Variants in TM2D1 observed in about 807,000 individuals in gnomAD.
TM2D1 encodes TM2 domain containing 1, also known as TM2 domain-containing protein 1.
In TM2D1, 15 loss-of-function variants were observed where a neutral mutation model predicts 28.4. The observed-to-expected ratio is 0.53, with a 90% CI of 0.35 to 0.81. The LOEUF is 0.81. Ranked by LOEUF, TM2D1 falls within the 40% of genes least tolerant of loss-of-function variation. TM2D1 has a pLI of 0.01. For missense variants in TM2D1, 236 were observed against 254.9 expected (o/e 0.93, Z 0.50); for synonymous variants, 93 against 96.2 (o/e 0.97, Z 0.20).
chr1:61,719,825 C>A (rs1191313562), intron 2 of TM2D1, among the ~76,000 whole-genome samples: 1 of 152,110 alleles, frequency 6.6e-6, no homozygotes, highest in African/African-American at 2.4e-5. Flanking sequence ...TACTCTTATT[C>A]TTCTAACTTT....
At chr1:61,691,933 A>AAAAATATATATATATATATATG (rs1491136530) in intron 5 of TM2D1, among the ~76,000 whole-genome samples, 29 of 83,038 alleles carry the variant, frequency 3.5e-4, no homozygotes, top group African/African-American at 9.9e-4. Context: ...AAAAAAAAAA[A>AAAAATATATATATATATATATG]TATATATATA....
intron 5 of TM2D1, among the ~76,000 whole-genome samples, chr1:61,687,734 C>T (rs1013367626): frequency 6.6e-6 from 1 of 152,064 alleles, no homozygotes; most frequent in Non-Finnish European, 1.5e-5. Flanking sequence ...TTATATCAAT[C>T]TATGCTTTCT....
chr1:61,719,222 T>C (rs928169719), intron 2 of TM2D1, among the ~76,000 whole-genome samples: 3 of 152,016 alleles, frequency 2.0e-5, no homozygotes, highest in South Asian at 2.1e-4. Context: ...CATGCCTGGC[T>C]AGTTTTTTGT....
At chr1:61,699,464 C>T (rs2172957) in intron 4 of TM2D1, 50,943 of 152,106 alleles carry the variant, frequency 0.33, 10,295 homozygotes, top group East Asian at 0.48. Flanking sequence ...ATTTTATAAT[C>T]GGACCATAGA....
intron 5 of TM2D1, among the ~76,000 whole-genome samples, chr1:61,686,071 A>G (rs1179310552): frequency 6.6e-6 from 1 of 152,198 alleles, no homozygotes; most frequent in Non-Finnish European, 1.5e-5. Context: ...CTTGGAAGAG[A>G]AAGCTGTCTC....
intron 2 of TM2D1, among the ~76,000 whole-genome samples, chr1:61,713,336 G>A (rs1644492317): frequency 6.6e-6 from 1 of 151,862 alleles, no homozygotes; most frequent in Admixed American, 6.6e-5. Flanking sequence ...AAATTAGCCA[G>A]GCGTGGTGAC....
intron 1 of TM2D1, 94 bp downstream of exon 1, chr1:61,724,863 T>C: frequency 3.1e-6 from 4 of 1,305,708 alleles, no homozygotes; most frequent in Non-Finnish European, 4.1e-6. Context: ...TCGTTTTCAC[T>C]CAGTACAGCC....
In TM2D1 at chr1:61,710,445, A is replaced by C. The variant is rs1197199486; in HGVS notation, c.239-1008T>G. 3.2e-5 allele frequency among the ~76,000 whole-genome samples: 4 copies of C among 125,416 alleles called. No homozygotes were observed. The Admixed American group carries it at 3.7e-4, about 12-fold the overall frequency. The allele number at this position is 125,416 out of a possible 152,430, so 82.3% of individuals were successfully genotyped here. A position where few individuals can be genotyped will look rare whatever the true frequency, so the allele number is the denominator to read the frequency against. ...TGTCCCAAAAAAAAAAAAAAAAAAA[A>C]ATGTATATATATATATACATATATA... is the stretch of plus-strand genomic sequence containing the variant. On this transcript the variant is annotated intron_variant, in intron 2 of 6. Coordinates refer to ENST00000606498, the MANE Select transcript of TM2D1 (RefSeq NM_032027.3).
chr1:61,704,242 C>A lies in TM2D1; in HGVS notation c.348-3217G>T, dbSNP rs576315120. ...AATAGAATATAAAACGTATCACCAACTTTTTATATGGCACATATATATATA... is the reference window on the plus strand; with the variant it reads ...AATAGAATATAAAACGTATCACCAAATTTTTATATGGCACATATATATATA... On this transcript the variant is annotated intron_variant, in intron 3 of 6. Coordinates refer to ENST00000606498, the MANE Select transcript of TM2D1 (RefSeq NM_032027.3). Among the ~76,000 whole-genome samples the A allele has an allele frequency of 4.2e-4, 64 of 151,916 alleles. 1 individual carries two copies. In the South Asian group the frequency reaches 0.013, roughly 32 times the overall value.
At chr1:61,715,079 C>T (rs528306062) in intron 2 of TM2D1, among the ~76,000 whole-genome samples, 1 of 152,224 alleles carries the variant, frequency 6.6e-6, no homozygotes, top group East Asian at 1.9e-4. Flanking sequence ...TTTTGACATA[C>T]ATTTGAGCTA....
intron 4 of TM2D1, 50 bp from the exon 5 acceptor site, chr1:61,694,820 TAACA>T: frequency 8.6e-7 from 1 of 1,167,498 alleles, no homozygotes; most frequent in East Asian, 2.5e-5. Flanking sequence ...TTCTAAATAT[TAACA>T]AACTGCTCCA....
At chr1:61,723,979 G>A (rs1020868160) in intron 1 of TM2D1, among the ~76,000 whole-genome samples, 193 bp from the exon 2 acceptor site, 6 of 152,140 alleles carry the variant, frequency 3.9e-5, no homozygotes, top group Admixed American at 3.9e-4. Context: ...AGGATCACTG[G>A]AGCCCAGGAG....
chr1:61,716,334 C>A (rs1250820635), intron 2 of TM2D1, among the ~76,000 whole-genome samples: 1 of 147,134 alleles, frequency 6.8e-6, no homozygotes, highest in Non-Finnish European at 1.5e-5. Context: ...CCGCCAACCC[C>A]CCAACAAATA....
intron 2 of TM2D1, among the ~76,000 whole-genome samples, chr1:61,722,928 TAAAA>T (rs1264867028): frequency 1.3e-5 from 2 of 152,048 alleles, no homozygotes; most frequent in Admixed American, 6.6e-5. Context: ...AAAATAAAAA[TAAAA>T]AAAGTATTTT....
Position 61,688,249 on chromosome 1 carries a change from T to TA in TM2D1, c.514-4704dup, listed in dbSNP as rs796784939. Among the ~76,000 whole-genome samples the TA allele has an allele frequency of 6.0e-3, 912 of 151,556 alleles. 11 individuals carry two copies. The highest frequency in any genetic ancestry group is 0.02 in the African/African-American group (818 of 41,360). ...GTTTTGAAAATCCTCTTAAAGGCAC[T>TA]AAAAAAAAATCTACCCACAGGGTAA... On this transcript the variant is annotated intron_variant, in intron 5 of 6. Coordinates refer to ENST00000606498, the MANE Select transcript of TM2D1 (RefSeq NM_032027.3).
At chr1:61,709,462 CTG>C (rs760152286) in intron 2 of TM2D1, 25 bp from the exon 3 acceptor site, 66 of 1,532,870 alleles carry the variant, frequency 4.3e-5, no homozygotes, top group Admixed American at 1.0e-4. Context: ...AGTCAAGAAA[CTG>C]TTATTTTTTT....
intron 2 of TM2D1, among the ~76,000 whole-genome samples, chr1:61,719,527 T>C (rs939568590): frequency 6.6e-6 from 1 of 150,762 alleles, no homozygotes; most frequent in Non-Finnish European, 1.5e-5. Context: ...AGTTTCACTC[T>C]TGTTGCCCAG....
At chr1:61,716,694 T>C (rs1173223843) in intron 2 of TM2D1, among the ~76,000 whole-genome samples, 2 of 151,042 alleles carry the variant, frequency 1.3e-5, no homozygotes, top group Admixed American at 1.3e-4. Flanking sequence ...ACATTGTGAG[T>C]GGCTATAAAA....
At chr1:61,724,916 C>G (rs1447385268) in intron 1 of TM2D1, 41 bp downstream of exon 1, 6 of 1,544,082 alleles carry the variant, frequency 3.9e-6, no homozygotes, top group Non-Finnish European at 5.3e-6. Context: ...GACCCCAACT[C>G]TACCTCGCCT....
Sources: allele counts gnomAD v4.1 joint callset (sites outside exome capture counted in the v4.1 genomes callset), GRCh38; gene constraint gnomAD v4.1.1; transcripts MANE v1.5; gene names NCBI Gene and HGNC (gene_info 2026-07-23, HGNC 2026-07-21).